Variants in CADPS2 observed in about 807,000 individuals in gnomAD.
CADPS2 encodes the protein calcium-dependent secretion activator 2.
CADPS2 carries 93 observed loss-of-function variants against 172.5 expected under a neutral mutation model. That is an observed-to-expected ratio of 0.54 (90% CI 0.46 to 0.64). The LOEUF (loss-of-function observed/expected upper bound fraction) is 0.64. CADPS2 is among the 30% of genes least tolerant of loss of function. The probability of loss-of-function intolerance (pLI) is 0.00; values close to 1 mark genes in which losing one functional copy is unlikely to be tolerated. For synonymous variants in CADPS2, 546 were observed against 555.2 expected (o/e 0.98, Z 0.23); for missense variants, 1,420 against 1,565.9 (o/e 0.91, Z 1.57).
chr7:122,525,131 C>A (rs1041738275), intron 8 of CADPS2, among the ~76,000 whole-genome samples: 3 of 115,216 alleles, frequency 2.6e-5, no homozygotes, highest in African/African-American at 1.0e-4. Context: ...CACAGTGAGA[C>A]CCTGTCTCAA....
rs758680270 is a variant in CADPS2 at position 122,393,540 on chromosome 7, A to G, written c.2789T>C (p.Ile930Thr). Residue 930 changes from isoleucine (I) to threonine (T), a missense_variant, in exon 21 of 30, where the codon ATC becomes ACC. Coordinates refer to ENST00000449022, the MANE Select transcript of CADPS2 (RefSeq NM_017954.11). ...ATAGCGGACAACCAAGGGTACAAAG[A>G]TTTCTTGCAAGTGTTTGTGAAATTT... ...NGKFHKHLQE[I>T]FVPLVVRYVD... The G allele has an allele frequency of 3.1e-6, 5 of 1,613,836 alleles. No homozygotes were observed.
chr7:122,442,617 TAA>T (rs1226263956), intron 15 of CADPS2, among the ~76,000 whole-genome samples: 1 of 152,236 alleles, frequency 6.6e-6, no homozygotes, highest in Non-Finnish European at 1.5e-5. Flanking sequence ...GCACATATGT[TAA>T]GTTTAACTTG....
At chr7:122,469,166 G>A (rs572479408) in intron 14 of CADPS2, among the ~76,000 whole-genome samples, 1 of 152,284 alleles carries the variant, frequency 6.6e-6, no homozygotes, top group African/African-American at 2.4e-5. Flanking sequence ...TGCCTCCCAG[G>A]CAGCAGCAGT....
intron 14 of CADPS2, among the ~76,000 whole-genome samples, chr7:122,456,171 ATAATT>A (rs2053749172): frequency 6.6e-6 from 1 of 152,014 alleles, no homozygotes; most frequent in Non-Finnish European, 1.5e-5. Flanking sequence ...TAATAATAAA[ATAATT>A]TACTTTAAAT....
At position 122,325,769 on chromosome 7, in the gene CADPS2, T is replaced by TTA. The variant is rs1228537569; in HGVS notation, c.3613-189_3613-188insTA. ...TTGTATGCTTTGCTAGAAAATCTGTTAAGTTGACCTAGGCTGTTCTTTAAA... is the reference window on the plus strand; with the variant it reads ...TTGTATGCTTTGCTAGAAAATCTGTTTAAAGTTGACCTAGGCTGTTCTTTAAA... On this transcript the variant is annotated intron_variant, in intron 28 of 29. Transcript: ENST00000449022. 3.9e-5 allele frequency among the ~76,000 whole-genome samples: 6 copies of TTA among 152,166 alleles called. No individual in the cohort carries two copies. In the East Asian group the frequency reaches 1.2e-3, roughly 29 times the overall value.
At chr7:122,479,110 G>A (rs1488517088) in intron 12 of CADPS2, among the ~76,000 whole-genome samples, 1 of 152,050 alleles carries the variant, frequency 6.6e-6, no homozygotes, top group African/African-American at 2.4e-5. Flanking sequence ...AGCATTCTGA[G>A]GTCACTCTGG....
At chr7:122,351,621 A>G (rs2038658815) in intron 27 of CADPS2, among the ~76,000 whole-genome samples, 1 of 152,008 alleles carries the variant, frequency 6.6e-6, no homozygotes, top group South Asian at 2.1e-4. Context: ...GGTACATTTG[A>G]TTCAATCCCA....
intron 17 of CADPS2, among the ~76,000 whole-genome samples, chr7:122,426,499 T>C (rs1300368344): frequency 1.3e-5 from 2 of 152,224 alleles, no homozygotes; most frequent in African/African-American, 4.8e-5. Context: ...ATTTATTGCT[T>C]GAAACTATAT....
chr7:122,670,612 C>T (rs2081724127), intron 2 of CADPS2, among the ~76,000 whole-genome samples: 1 of 152,094 alleles, frequency 6.6e-6, no homozygotes, highest in Non-Finnish European at 1.5e-5. Flanking sequence ...ATTCTCTCAC[C>T]TCAGCCTCTG....
At chr7:122,503,030 C>CTT (rs11293004) in intron 9 of CADPS2, among the ~76,000 whole-genome samples, 29 of 102,766 alleles carry the variant, frequency 2.8e-4, no homozygotes, top group African/African-American at 9.7e-4. Context: ...GAGAAAAAAA[C>CTT]TTTTTTTTTT....
At chr7:122,721,107 T>G (rs994700545) in intron 2 of CADPS2, among the ~76,000 whole-genome samples, 1 of 151,936 alleles carries the variant, frequency 6.6e-6, no homozygotes, top group Non-Finnish European at 1.5e-5. Flanking sequence ...AAAGGAAAAC[T>G]TAAAAGAAAG....
chr7:122,840,602 G>T (rs1036284701), intron 1 of CADPS2, among the ~76,000 whole-genome samples: 1 of 151,266 alleles, frequency 6.6e-6, no homozygotes, highest in Non-Finnish European at 1.5e-5. Context: ...AAAAACTTAG[G>T]GTAGGCCGAA....
At chr7:122,542,378 ATGATAG>A (rs2063192750) in intron 8 of CADPS2, among the ~76,000 whole-genome samples, 3 of 152,154 alleles carry the variant, frequency 2.0e-5, no homozygotes, top group African/African-American at 7.2e-5. Flanking sequence ...TCTCTCAGAT[ATGATAG>A]TAAGTCAAAT....
chr7:122,540,604 T>C (rs764912704), intron 8 of CADPS2, among the ~76,000 whole-genome samples: 3 of 152,138 alleles, frequency 2.0e-5, no homozygotes, highest in Non-Finnish European at 2.9e-5. Flanking sequence ...ATTCTCTTGC[T>C]TCTCTCAGCA....
rs537407098 is a variant in CADPS2 at position 122,360,098 on chromosome 7, AT to A, written c.3504+689del. Among the ~76,000 whole-genome samples the A allele has an allele frequency of 7.2e-5, 11 of 152,308 alleles. No homozygotes were observed. The East Asian group carries it at 2.1e-3, about 29-fold the overall frequency. On this transcript the variant is annotated intron_variant, in intron 27 of 29. Coordinates refer to ENST00000449022, the MANE Select transcript of CADPS2 (RefSeq NM_017954.11). ...TCTAATTCTTTGAAAATTGACATAT[AT>A]GCCAAAATAAATGATTAAACAGAAC... is the stretch of plus-strand genomic sequence containing the variant.
In CADPS2 at chr7:122,886,185, GCCGCCGCCCGCGCGCCCCGGCGCGTC is replaced by G. The variant is rs1563255029; in HGVS notation, c.127_152del (p.Asp43ArgfsTer27). On this transcript the variant is annotated frameshift_variant, in exon 1 of 30. Transcript: ENST00000449022. LOFTEE classifies it high-confidence loss of function. ...TCGGGCTCACAGATCTGGCCGCGCCGCCGCCGCCCGCGCGCCCCGGCGCGTCCCGCCGCCCTTCCCGAGTCGGGGCT... is the reference window on the plus strand; with the variant it reads ...TCGGGCTCACAGATCTGGCCGCGCCGCCGCCGCCCTTCCCGAGTCGGGGCT... 1 of 1,469,822 alleles carries G rather than the reference GCCGCCGCCCGCGCGCCCCGGCGCGTC, an allele frequency of 6.8e-7. No individual in the cohort carries two copies. Among genetic ancestry groups the G allele is most frequent in the Non-Finnish European group, 8.9e-7 (1 of 1,119,776 alleles). 91.0% of individuals were successfully genotyped at this position (1,469,822 alleles called of 1,614,324 possible).
chr7:122,487,230 G>C (rs547110810), intron 11 of CADPS2, among the ~76,000 whole-genome samples: 1 of 151,664 alleles, frequency 6.6e-6, no homozygotes, highest in South Asian at 2.1e-4. Context: ...GTCTGGTCTC[G>C]AACTCCTGAA....
At chr7:122,881,286 T>C (rs375603251) in intron 1 of CADPS2, among the ~76,000 whole-genome samples, 132 of 152,304 alleles carry the variant, frequency 8.7e-4, no homozygotes, top group African/African-American at 3.1e-3. Context: ...AAATCGCAGC[T>C]GATTTCATTT....
intron 10 of CADPS2, 40 bp downstream of exon 10, chr7:122,491,272 A>C: frequency 7.6e-7 from 1 of 1,317,620 alleles, no homozygotes; most frequent in Non-Finnish European, 1.1e-6. Context: ...AATTCCATGC[A>C]TACATACATG....
Sources: gnomAD v4.1 joint callset for allele counts (sites outside exome capture counted in the v4.1 genomes callset) on GRCh38, gnomAD v4.1.1 for gene constraint, MANE v1.5 for transcripts, NCBI Gene and HGNC (gene_info 2026-07-23, HGNC 2026-07-21) for gene names.